Variants in PRKG1 observed in about 807,000 individuals in gnomAD.
The protein encoded by PRKG1 is cGMP-dependent protein kinase 1.
A neutral mutation model predicts 88.1 loss-of-function variants in PRKG1; 35 were observed. The ratio of observed to expected loss-of-function variants is 0.40; its 90% CI spans 0.30 to 0.53. The LOEUF is 0.53. Among genes scored for constraint, PRKG1 ranks in the 20% least tolerant of loss-of-function variants. PRKG1 has a pLI of 0.59. For missense variants in PRKG1, 540 were observed against 839.8 expected (o/e 0.64, Z 4.41); for synonymous variants, 303 against 292.5 (o/e 1.04, Z -0.37).
intron 3 of PRKG1, among the ~76,000 whole-genome samples, chr10:51,575,195 AC>A (rs1486147883): frequency 6.6e-6 from 1 of 151,950 alleles, no homozygotes; most frequent in Non-Finnish European, 1.5e-5. Context: ...TTTCAAAGTG[AC>A]AAGGGGGATC....
intron 3 of PRKG1, among the ~76,000 whole-genome samples, chr10:51,761,360 T>C (rs1237569722): frequency 6.6e-6 from 1 of 152,246 alleles, no homozygotes; most frequent in Non-Finnish European, 1.5e-5. Context: ...ATTATTGTTA[T>C]GCCTATTATT....
intron 5 of PRKG1, among the ~76,000 whole-genome samples, chr10:51,954,933 T>C (rs1006011037): frequency 6.6e-6 from 1 of 152,200 alleles, no homozygotes; most frequent in Non-Finnish European, 1.5e-5. Flanking sequence ...TTTGCTATCT[T>C]TTATTGTTTC....
intron 3 of PRKG1, among the ~76,000 whole-genome samples, chr10:51,771,799 A>G (rs1437296423): frequency 6.6e-6 from 1 of 152,160 alleles, no homozygotes; most frequent in African/African-American, 2.4e-5. Flanking sequence ...TATTGGATGC[A>G]GGATTCATGG....
At chr10:51,445,320 T>A (rs1050236277) in intron 2 of PRKG1, among the ~76,000 whole-genome samples, 3 of 151,912 alleles carry the variant, frequency 2.0e-5, no homozygotes, top group Non-Finnish European at 4.4e-5. Flanking sequence ...TTTATCGTAA[T>A]CATCACAGGT....
chr10:52,242,009 A>G (rs145165913), intron 9 of PRKG1: 1 of 152,366 alleles, frequency 6.6e-6, no homozygotes, highest in East Asian at 1.9e-4. Flanking sequence ...AGGCTATGGC[A>G]AAGATGTCCT....
intron 2 of PRKG1, among the ~76,000 whole-genome samples, chr10:51,433,575 A>C (rs937255815): frequency 9.9e-5 from 15 of 152,084 alleles, no homozygotes; most frequent in Non-Finnish European, 1.5e-4. Context: ...TGGCTTTTAA[A>C]TAATGACTCA....
At chr10:50,995,253 T>C (rs1403775019) in intron 1 of PRKG1, among the ~76,000 whole-genome samples, 1 of 152,204 alleles carries the variant, frequency 6.6e-6, no homozygotes, top group Non-Finnish European at 1.5e-5. Context: ...TCAGTCCAAT[T>C]AGCCAGATTT....
At chr10:51,707,092 G>C (rs926778792) in intron 3 of PRKG1, among the ~76,000 whole-genome samples, 1 of 152,050 alleles carries the variant, frequency 6.6e-6, no homozygotes, top group African/African-American at 2.4e-5. Flanking sequence ...TGCCATTTTA[G>C]CCTTTGGTAG....
In PRKG1 at chr10:51,678,725, T is replaced by C. The variant is rs542762104; in HGVS notation, c.593-125860T>C. 3.7e-4 allele frequency among the ~76,000 whole-genome samples: 57 copies of C among 152,332 alleles called. No individual in the cohort carries two copies. The South Asian group carries it at 0.012, about 32-fold the overall frequency. On this transcript the variant is annotated intron_variant, in intron 3 of 17. Coordinates refer to ENST00000373980, the MANE Select transcript of PRKG1 (RefSeq NM_006258.4). ...GAAAACAGTGTGTGCCATAGTTAAA[T>C]GTCTTATTTGGAGGCAGCTGGTTCA...
chr10:51,440,690 G>A (rs16918134), intron 2 of PRKG1, among the ~76,000 whole-genome samples: 1 of 151,884 alleles, frequency 6.6e-6, no homozygotes, highest in Admixed American at 6.6e-5. Context: ...GTAGGGTGTT[G>A]CTACAAGCCA....
chr10:51,617,307 T>C (rs1839084951), intron 3 of PRKG1, among the ~76,000 whole-genome samples: 1 of 152,176 alleles, frequency 6.6e-6, no homozygotes, highest in Non-Finnish European at 1.5e-5. Context: ...CACTTTTCTG[T>C]TGAATTCTAG....
chr10:51,527,823 T>C (rs1841920459), intron 3 of PRKG1, among the ~76,000 whole-genome samples: 1 of 152,204 alleles, frequency 6.6e-6, no homozygotes, highest in South Asian at 2.1e-4. Flanking sequence ...TTTAAGCTTG[T>C]ATTTCAAACA....
intron 2 of PRKG1, among the ~76,000 whole-genome samples, chr10:51,460,433 G>C (rs1388979246): frequency 2.0e-5 from 3 of 152,114 alleles, no homozygotes; most frequent in African/African-American, 7.2e-5. Context: ...ATTATACATT[G>C]CTGGAATTAA....
intron 2 of PRKG1, among the ~76,000 whole-genome samples, chr10:51,382,507 A>G (rs1428610930): frequency 1.3e-5 from 2 of 152,168 alleles, no homozygotes; most frequent in Non-Finnish European, 2.9e-5. Context: ...CATATCGTCA[A>G]CTTTACACTT....
rs551201863 is a variant in PRKG1 at position 52,128,402 on chromosome 10, A to T, written c.936-5438A>T. 180 of 985,394 alleles carry T rather than the reference A, an allele frequency of 1.8e-4. No homozygotes were observed. The Middle Eastern group carries it at 2.1e-3, about 11-fold the overall frequency. The allele number at this position is 985,394 out of a possible 1,614,324, so 61.0% of individuals were successfully genotyped here. The stretch of plus-strand genomic sequence containing the variant: ...TGAACGCTAGAGTTCTCTCATAGCC[A>T]TGAGACACAAGAGAATTGGTTTAGA... On this transcript the variant is annotated intron_variant, in intron 7 of 17. Coordinates refer to ENST00000373980, the MANE Select transcript of PRKG1 (RefSeq NM_006258.4).
rs566860495 is a variant in PRKG1 at position 52,174,810 on chromosome 10, A to G, written c.1076+12847A>G. On this transcript the variant is annotated intron_variant, in intron 9 of 17. Transcript: ENST00000373980. ...AAAATAGTATGACCAAAGGCAAGAC[A>G]TATCTGCTTTATATGATTTTATTTT... Among the ~76,000 whole-genome samples the G allele has an allele frequency of 2.0e-5, 3 of 152,172 alleles. No individual in the cohort carries two copies. In the East Asian group the frequency reaches 5.8e-4, roughly 29 times the overall value.
intron 2 of PRKG1, among the ~76,000 whole-genome samples, chr10:51,377,639 T>G (rs955667943): frequency 3.3e-5 from 5 of 152,146 alleles, no homozygotes; most frequent in African/African-American, 1.2e-4. Flanking sequence ...TTGAACAATT[T>G]TGAAATTTCA....
chr10:51,430,317 A>C (rs1188554869), intron 2 of PRKG1, among the ~76,000 whole-genome samples: 1 of 152,092 alleles, frequency 6.6e-6, no homozygotes, highest in Non-Finnish European at 1.5e-5. Context: ...GCTCCTCAAG[A>C]GGCAGAGGTG....
chr10:51,377,095 AACAC>A (rs895957995), intron 2 of PRKG1, among the ~76,000 whole-genome samples: 1 of 152,188 alleles, frequency 6.6e-6, no homozygotes, highest in African/African-American at 2.4e-5. Context: ...TAAAAAAAAA[AACAC>A]AGTATTTATC....
Sources: gnomAD v4.1 joint callset for allele counts (sites outside exome capture counted in the v4.1 genomes callset) on GRCh38, gnomAD v4.1.1 for gene constraint, MANE v1.5 for transcripts, NCBI Gene and HGNC (gene_info 2026-07-23, HGNC 2026-07-21) for gene names.